The following LGMN variants were observed in gnomAD, a reference collection of about 807,000 sequenced individuals.
LGMN encodes asparaginyl endopeptidase.
Under a neutral mutation model 56.8 loss-of-function variants are expected in LGMN, and 36 were observed. The observed-to-expected ratio is 0.63, with a 90% CI of 0.49 to 0.84. The LOEUF is 0.84. Ranked by LOEUF, LGMN falls within the 40% of genes least tolerant of loss-of-function variation. LGMN has a pLI of 0.00. For synonymous variants in LGMN, 199 were observed against 210.1 expected, an observed-to-expected ratio of 0.95 and a Z score of 0.46; for missense variants, 446 against 556.1, an observed-to-expected ratio of 0.80 and a Z score of 1.99.
At chr14:92,742,051 T>C (rs1202036934) in intron 1 of LGMN, among the ~76,000 whole-genome samples, 1 of 152,138 alleles carries the variant, frequency 6.6e-6, no homozygotes, top group Non-Finnish European at 1.5e-5. Context: ...TCACCCTCGA[T>C]ATCTAATGAA....
chr14:92,747,698 G>T (rs954932447), intron 1 of LGMN, among the ~76,000 whole-genome samples: 4 of 152,094 alleles, frequency 2.6e-5, no homozygotes, highest in African/African-American at 4.8e-5. Flanking sequence ...GCTTAGTAAG[G>T]CTCGAAAATG....
intron 1 of LGMN, among the ~76,000 whole-genome samples, chr14:92,742,674 T>C (rs1891614196): frequency 6.6e-6 from 1 of 152,142 alleles, no homozygotes; most frequent in Non-Finnish European, 1.5e-5. Flanking sequence ...GGTAGAAGGA[T>C]TGCTAGAGCC....
intron 1 of LGMN, among the ~76,000 whole-genome samples, chr14:92,738,145 AC>A (rs1209583661): frequency 1.3e-5 from 2 of 152,058 alleles, no homozygotes; most frequent in Non-Finnish European, 2.9e-5. Context: ...CTACTTATCC[AC>A]CTAAATTAGC....
intron 5 of LGMN, chr14:92,715,789 C>G (rs2140223322): frequency 5.7e-6 from 1 of 176,656 alleles, no homozygotes; most frequent in Non-Finnish European, 1.2e-5. Context: ...GCCCTGCAAT[C>G]TGGGCACAGG....
At chr14:92,733,007 G>A (rs1209094543) in intron 1 of LGMN, among the ~76,000 whole-genome samples, 192 bp from the exon 2 acceptor site, 1 of 152,042 alleles carries the variant, frequency 6.6e-6, no homozygotes, top group Non-Finnish European at 1.5e-5. Flanking sequence ...AACTTAGCTA[G>A]GCGTGGTAGC....
At chr14:92,722,077 T>C (rs1270498658) in intron 2 of LGMN, among the ~76,000 whole-genome samples, 1 of 151,946 alleles carries the variant, frequency 6.6e-6, no homozygotes, top group Non-Finnish European at 1.5e-5. Flanking sequence ...ACAGCAAAAC[T>C]ATAAAGCAAA....
At position 92,712,842 on chromosome 14, in the gene LGMN, A is replaced by T; in HGVS notation, c.573T>A (p.Ser191=). The T allele has an allele frequency of 6.2e-7, 1 of 1,614,028 alleles. No homozygotes were observed. Among genetic ancestry groups the T allele is most frequent in the Non-Finnish European group, 8.5e-7 (1 of 1,179,978 alleles). ...CCGGCAGGTGGTTCATCATGGACCC[A>T]GACTCACAGGCTTCAATGTAGAACA... is the stretch of plus-strand genomic sequence containing the variant. The part of the protein sequence containing the change: ...KMVFYIEACE[S]GSMMNHLPDN... The change falls in exon 8 of 14, where the codon TCT becomes TCA. Residue 191 remains serine, a synonymous_variant. Transcript: ENST00000334869.
At chr14:92,704,939 C>T in intron 12 of LGMN, 1 of 463,492 alleles carries the variant, frequency 2.2e-6, no homozygotes, top group Non-Finnish European at 4.0e-6. Context: ...GGGTTCTGCA[C>T]TCTCAAATCT....
intron 11 of LGMN, among the ~76,000 whole-genome samples, chr14:92,707,056 CA>C (rs1889470082): frequency 6.6e-6 from 1 of 151,962 alleles, no homozygotes; most frequent in Non-Finnish European, 1.5e-5. Context: ...TCTTTCCAGA[CA>C]ATGAAAAACA....
chr14:92,714,141 C>T lies in LGMN; in HGVS notation c.480+235G>A, dbSNP rs1889942007. ...TCTCAGGTCTAGTGTGATACACCCA[C>T]ATCCTGAGACAGCTACCGACGCTGC... is the stretch of plus-strand genomic sequence containing the variant. On this transcript the variant is annotated intron_variant, in intron 6 of 13. Transcript: ENST00000334869. The surrounding 1 kb of genome is among the most constrained non-coding windows in gnomAD (Gnocchi z 5.1). Among the ~76,000 whole-genome samples the T allele has an allele frequency of 6.6e-6, 1 of 152,210 alleles. No homozygotes were observed. The highest frequency in any genetic ancestry group is 1.5e-5 in the Non-Finnish European group (1 of 68,042).
intron 1 of LGMN, among the ~76,000 whole-genome samples, chr14:92,735,750 T>C (rs1267918785): frequency 6.6e-6 from 1 of 152,176 alleles, no homozygotes; most frequent in Non-Finnish European, 1.5e-5. Flanking sequence ...GCAAGGTCAA[T>C]GGACGGGCAA....
At chr14:92,745,095 T>C (rs1178278470) in intron 1 of LGMN, among the ~76,000 whole-genome samples, 16 of 152,172 alleles carry the variant, frequency 1.1e-4, no homozygotes, top group Admixed American at 1.0e-3. Context: ...CCCAGGAGTT[T>C]GAGACTGGCC....
chr14:92,738,412 G>T (rs1891399626), intron 1 of LGMN, among the ~76,000 whole-genome samples: 1 of 151,586 alleles, frequency 6.6e-6, no homozygotes, highest in African/African-American at 2.4e-5. Context: ...CCGAGCAGCT[G>T]GGACTACAGG....
intron 1 of LGMN, among the ~76,000 whole-genome samples, chr14:92,747,949 C>A (rs144640472): frequency 2.1e-3 from 318 of 152,232 alleles, no homozygotes; most frequent in Middle Eastern, 0.014. Flanking sequence ...AAGATTGAAG[C>A]GGGTGGTCCT....
chr14:92,721,299 T>C (rs1276443575), intron 2 of LGMN, among the ~76,000 whole-genome samples: 1 of 152,054 alleles, frequency 6.6e-6, no homozygotes, highest in Non-Finnish European at 1.5e-5. Flanking sequence ...TTGTTGGCAT[T>C]GAGGATGGAA....
intron 1 of LGMN, among the ~76,000 whole-genome samples, chr14:92,735,792 G>A (rs1432603386): frequency 6.6e-6 from 1 of 151,162 alleles, no homozygotes; most frequent in Non-Finnish European, 1.5e-5. Context: ...TCCCAGATTT[G>A]TTTTTTTCAG....
intron 1 of LGMN, chr14:92,743,154 A>G (rs1237250751): frequency 2.0e-5 from 3 of 152,132 alleles, no homozygotes; most frequent in Non-Finnish European, 4.4e-5. Context: ...AGAGCTTATT[A>G]AAGGGTCATT....
chr14:92,731,905 TC>T (rs1389072577), intron 2 of LGMN, among the ~76,000 whole-genome samples: 1 of 152,232 alleles, frequency 6.6e-6, no homozygotes, highest in Non-Finnish European at 1.5e-5. Context: ...CCATTTTACA[TC>T]CCACAGGGAG....
In LGMN at chr14:92,712,715, C is replaced by T. The variant is rs988947221; in HGVS notation, c.610+90G>A. On this transcript the variant is annotated intron_variant, in intron 8 of 13. Coordinates refer to ENST00000334869, the MANE Select transcript of LGMN (RefSeq NM_005606.7). Reference sequence around the variant, plus strand: ...TGGCCCAGGCTGCCCTCAGCAGCCCCTGCTTACGGAGAATGCTCAGTTCCA... The same window carrying T: ...TGGCCCAGGCTGCCCTCAGCAGCCCTTGCTTACGGAGAATGCTCAGTTCCA... The T allele has an allele frequency of 3.9e-6, 5 of 1,277,902 alleles. No individual in the cohort carries two copies. In the African/African-American group the frequency reaches 4.4e-5, roughly 11 times the overall value. 79.2% of individuals were successfully genotyped at this position (1,277,902 alleles called of 1,614,324 possible).
Sources: gnomAD v4.1 joint callset for allele counts (sites outside exome capture counted in the v4.1 genomes callset) on GRCh38, gnomAD v4.1.1 for gene constraint, Gnocchi (gnomAD v3.1) non-coding constraint, MANE v1.5 for transcripts, NCBI Gene and HGNC (gene_info 2026-07-23, HGNC 2026-07-21) for gene names.